Variants in KCNMB2 observed in about 807,000 individuals in gnomAD.
KCNMB2 encodes potassium calcium-activated channel subfamily M regulatory beta subunit 2.
Under a neutral mutation model 24.5 loss-of-function variants are expected in KCNMB2, and 9 were observed. The observed-to-expected ratio is 0.37, with a 90% confidence interval of 0.22 to 0.64. The LOEUF (loss-of-function observed/expected upper bound fraction) is 0.64. KCNMB2 is among the 30% of genes least tolerant of loss of function. KCNMB2 has a pLI of 0.63. For synonymous variants in KCNMB2, 109 were observed against 104.4 expected (o/e 1.04, Z -0.27); for missense variants, 226 against 284.3 (o/e 0.79, Z 1.47).
At position 178,547,966 on chromosome 3, in the gene KCNMB2, A is replaced by G. The variant is rs184834179; in HGVS notation, c.-68+11255A>G. Among the ~76,000 whole-genome samples, 484 of 152,318 alleles carry G rather than the reference A, an allele frequency of 3.2e-3. 2 individuals are homozygous for G. Among genetic ancestry groups the G allele is most frequent in the African/African-American group, 0.011 (458 of 41,564 alleles). Reference sequence around the variant, plus strand: ...AATCTTCCAGCTATTAAAGCCAATAATTGTCTTTGAATCCTCTTCCAACGA... The same window carrying G: ...AATCTTCCAGCTATTAAAGCCAATAGTTGTCTTTGAATCCTCTTCCAACGA... On this transcript the variant is annotated intron_variant, in intron 1 of 4. Transcript: ENST00000452583.
intron 1 of KCNMB2, among the ~76,000 whole-genome samples, chr3:178,567,072 C>T (rs1218215201): frequency 2.0e-5 from 3 of 152,172 alleles, no homozygotes; most frequent in Non-Finnish European, 4.4e-5. Flanking sequence ...ATGAGCGTAT[C>T]GTGACTCTAT....
intron 1 of KCNMB2, among the ~76,000 whole-genome samples, chr3:178,787,401 A>C (rs1189897873): frequency 6.6e-6 from 1 of 152,140 alleles, no homozygotes; most frequent in Non-Finnish European, 1.5e-5. Flanking sequence ...ATATGGTATA[A>C]AATTATTGCA....
intron 1 of KCNMB2, among the ~76,000 whole-genome samples, chr3:178,540,229 A>C (rs1464214128): frequency 6.6e-6 from 1 of 152,190 alleles, no homozygotes; most frequent in Non-Finnish European, 1.5e-5. Context: ...GGAAATCCTA[A>C]GGCCTCTACC....
intron 1 of KCNMB2, among the ~76,000 whole-genome samples, chr3:178,711,465 G>GTC (rs1233073088): frequency 2.0e-5 from 3 of 152,048 alleles, no homozygotes; most frequent in Non-Finnish European, 2.9e-5. Context: ...GCCTTGCGCT[G>GTC]TCTCTCCCAC....
chr3:178,673,554 T>C (rs1431858296), intron 1 of KCNMB2, among the ~76,000 whole-genome samples: 2 of 151,990 alleles, frequency 1.3e-5, no homozygotes, highest in African/African-American at 4.8e-5. Flanking sequence ...TCCCTCCTCT[T>C]ACTATAGATG....
chr3:178,815,065 T>C (rs573195865), intron 2 of KCNMB2, among the ~76,000 whole-genome samples: 1 of 152,330 alleles, frequency 6.6e-6, no homozygotes, highest in African/African-American at 2.4e-5. Flanking sequence ...CCATTTTTGC[T>C]AATATATAAA....
chr3:178,755,282 T>G (rs1276157656), intron 1 of KCNMB2, among the ~76,000 whole-genome samples: 2 of 152,212 alleles, frequency 1.3e-5, no homozygotes, highest in East Asian at 3.8e-4. Context: ...AGAAAAATCA[T>G]AGTGAGAACT....
At chr3:178,624,096 C>G (rs1719017218) in intron 1 of KCNMB2, among the ~76,000 whole-genome samples, 1 of 152,180 alleles carries the variant, frequency 6.6e-6, no homozygotes, top group African/African-American at 2.4e-5. Context: ...TTAGCTAACC[C>G]AAGGCCCCTG....
At chr3:178,582,602 G>C (rs922351524) in intron 1 of KCNMB2, among the ~76,000 whole-genome samples, 10 of 152,156 alleles carry the variant, frequency 6.6e-5, no homozygotes, top group Non-Finnish European at 1.0e-4. Flanking sequence ...GGGTTGTCTA[G>C]TTTTACAAAT....
intron 1 of KCNMB2, among the ~76,000 whole-genome samples, chr3:178,759,725 T>A (rs1711650389): frequency 1.5e-5 from 1 of 68,698 alleles, no homozygotes; most frequent in Non-Finnish European, 3.1e-5. Context: ...AGGATATATA[T>A]ACACATATAT....
intron 4 of KCNMB2, among the ~76,000 whole-genome samples, chr3:178,835,030 G>A (rs929122419): frequency 2.6e-5 from 4 of 151,710 alleles, no homozygotes; most frequent in African/African-American, 9.7e-5. Flanking sequence ...GAATCCTAGG[G>A]ATTCCATGGT....
chr3:178,647,540 C>G (rs1719961076), intron 1 of KCNMB2, among the ~76,000 whole-genome samples: 1 of 152,180 alleles, frequency 6.6e-6, no homozygotes, highest in Non-Finnish European at 1.5e-5. Flanking sequence ...TTTAAATTAT[C>G]TGAACCCAAG....
chr3:178,739,681 T>C (rs769666770), intron 1 of KCNMB2, among the ~76,000 whole-genome samples: 3 of 152,130 alleles, frequency 2.0e-5, no homozygotes, highest in Admixed American at 6.5e-5. Flanking sequence ...TATTGAAACA[T>C]AGTCTACAGG....
At chr3:178,809,519 T>C (rs190980125) in intron 2 of KCNMB2, among the ~76,000 whole-genome samples, 297 of 152,256 alleles carry the variant, frequency 2.0e-3, no homozygotes, top group Non-Finnish European at 3.5e-3. Flanking sequence ...GCCCAACAAC[T>C]AGCCAGTGAT....
At chr3:178,537,625 CA>C (rs1459885970) in intron 1 of KCNMB2, among the ~76,000 whole-genome samples, 7 of 152,274 alleles carry the variant, frequency 4.6e-5, no homozygotes, top group Admixed American at 4.6e-4. Flanking sequence ...AAGGAAATGT[CA>C]GGAAATCACA....
At chr3:178,781,282 A>T (rs1712822710) in intron 1 of KCNMB2, among the ~76,000 whole-genome samples, 2 of 152,158 alleles carry the variant, frequency 1.3e-5, no homozygotes. Context: ...TGTTTACAGC[A>T]AAGGGGACCA....
chr3:178,815,928 T>G (rs184484770), intron 2 of KCNMB2, among the ~76,000 whole-genome samples: 1 of 152,114 alleles, frequency 6.6e-6, no homozygotes, highest in Non-Finnish European at 1.5e-5. Flanking sequence ...GTTTATCTTG[T>G]TTTTAAAATT....
rs796574031 is a variant in KCNMB2, at chr3:178,693,897, T to TC, written c.-67-113446_-67-113445insC. Among the ~76,000 whole-genome samples the TC allele has an allele frequency of 7.3e-5, 11 of 151,488 alleles. No homozygotes were observed. The East Asian group carries it at 7.7e-4, about 11-fold the overall frequency. On this transcript the variant is annotated intron_variant, in intron 1 of 4. Transcript: ENST00000452583. ...CCTGGGCTTTTTTTCTTTTTCTTTT[T>TC]TTTTTTTAGTTAGTAGACTATTTAT... is the stretch of plus-strand genomic sequence containing the variant.
intron 1 of KCNMB2, among the ~76,000 whole-genome samples, chr3:178,602,101 A>G (rs1045228450): frequency 6.6e-6 from 1 of 152,222 alleles, no homozygotes; most frequent in African/African-American, 2.4e-5. Context: ...TAATACCCTA[A>G]TATCACCACT....
Sources: allele counts gnomAD v4.1 joint callset (sites outside exome capture counted in the v4.1 genomes callset), GRCh38; gene constraint gnomAD v4.1.1; transcripts MANE v1.5; gene names NCBI Gene and HGNC (gene_info 2026-07-23, HGNC 2026-07-21).